LDLRAD4: variants seen among roughly 807,000 people sequenced by gnomAD.
LDLRAD4 encodes the protein low-density lipoprotein receptor class A domain-containing protein 4.
LDLRAD4 carries 5 observed loss-of-function variants against 17.0 expected under a neutral mutation model. That is an observed-to-expected ratio of 0.29 (90% CI 0.15 to 0.62). LDLRAD4 has a LOEUF of 0.62. Among genes scored for constraint, LDLRAD4 ranks in the 20% least tolerant of loss-of-function variants. The pLI is 0.84. For missense variants in LDLRAD4, 340 were observed against 424.7 expected, an observed-to-expected ratio of 0.80 and a Z score of 1.75; for synonymous variants, 168 against 171.8, an observed-to-expected ratio of 0.98 and a Z score of 0.17.
chr18:13,450,524 G>A (rs144578415), intron 3 of LDLRAD4, among the ~76,000 whole-genome samples: 1,543 of 152,336 alleles, frequency 0.01, 15 homozygotes, highest in Non-Finnish European at 0.016. Context: ...ATACTTCATG[G>A]AAGGTATTTT....
At chr18:13,265,476 G>T (rs2044164984) in intron 1 of LDLRAD4, among the ~76,000 whole-genome samples, 1 of 152,214 alleles carries the variant, frequency 6.6e-6, no homozygotes, top group African/African-American at 2.4e-5. Context: ...ACAAATGTCA[G>T]CTGCCCAGGT....
chr18:13,280,224 T>G (rs886582237), intron 1 of LDLRAD4: 1 of 152,252 alleles, frequency 6.6e-6, no homozygotes, highest in Non-Finnish European at 1.5e-5. Context: ...GGCGTTTGTG[T>G]GGGGAACTCA....
intron 4 of LDLRAD4, chr18:13,641,741 C>A (rs2042580350): frequency 1.0e-6 from 1 of 984,984 alleles, no homozygotes; most frequent in Non-Finnish European, 1.2e-6. Flanking sequence ...GGGAGCGGGG[C>A]GCTGGGTCAG....
At chr18:13,578,195 C>T (rs541218604) in intron 3 of LDLRAD4, among the ~76,000 whole-genome samples, 2 of 152,218 alleles carry the variant, frequency 1.3e-5, no homozygotes, top group East Asian at 1.9e-4. Flanking sequence ...GAAGCTCATC[C>T]GTGGGTCTCA....
intron 1 of LDLRAD4, among the ~76,000 whole-genome samples, chr18:13,318,904 G>A (rs1419516470): frequency 3.9e-5 from 6 of 152,162 alleles, no homozygotes; most frequent in Non-Finnish European, 8.8e-5. Context: ...ACCACGGACC[G>A]CAGTCCCCTT....
intron 3 of LDLRAD4, among the ~76,000 whole-genome samples, chr18:13,507,936 TGG>T (rs1249709344): frequency 3.3e-5 from 5 of 149,376 alleles, no homozygotes; most frequent in Admixed American, 6.6e-5. Flanking sequence ...GTTGAAAGCC[TGG>T]TAGTCTGAAA....
chr18:13,298,903 C>T (rs1281919059), intron 1 of LDLRAD4, among the ~76,000 whole-genome samples: 1 of 152,216 alleles, frequency 6.6e-6, no homozygotes, highest in South Asian at 2.1e-4. Flanking sequence ...GTGGGCTTGT[C>T]CAAAATTACT....
intron 3 of LDLRAD4, among the ~76,000 whole-genome samples, chr18:13,544,390 A>G (rs1212841787): frequency 6.6e-6 from 1 of 152,222 alleles, no homozygotes; most frequent in African/African-American, 2.4e-5. Flanking sequence ...GGGCAGGGAA[A>G]ATATTTGAAG....
At chr18:13,441,184 G>A (rs557612648) in intron 3 of LDLRAD4, among the ~76,000 whole-genome samples, 2 of 152,178 alleles carry the variant, frequency 1.3e-5, no homozygotes, top group South Asian at 2.1e-4. Flanking sequence ...TCTCTTCCCC[G>A]TATTCTGTTG....
intron 1 of LDLRAD4, among the ~76,000 whole-genome samples, chr18:13,287,352 G>A (rs2045687487): frequency 6.6e-6 from 1 of 152,130 alleles, no homozygotes; most frequent in Non-Finnish European, 1.5e-5. Context: ...TGTTTTTCAT[G>A]ATTTTTCAAA....
chr18:13,306,916 A>G (rs1022960954), intron 1 of LDLRAD4, among the ~76,000 whole-genome samples: 1 of 152,224 alleles, frequency 6.6e-6, no homozygotes, highest in Non-Finnish European at 1.5e-5. Context: ...CAGAGGAATT[A>G]ACACAGGACG....
chr18:13,263,038 G>C lies in LDLRAD4; in HGVS notation c.-466-15067G>C, dbSNP rs374853110. Among the ~76,000 whole-genome samples, 32 of 144,282 alleles carry C rather than the reference G, an allele frequency of 2.2e-4. No individual in the cohort carries two copies. The East Asian group carries it at 2.9e-3, about 13-fold the overall frequency. The allele number at this position is 144,282 out of a possible 152,430, so 94.7% of individuals were successfully genotyped here. ...CTGAGTCCCGTGCGGCTCTGTGTGC[G>C]TGGGGGCCGAGTCCCGTGCGGCTCT... On this transcript the variant is annotated intron_variant, in intron 1 of 5. Coordinates refer to the LDLRAD4 transcript ENST00000399848.
rs1472599417 is a variant in LDLRAD4, at chr18:13,645,551, G to A, written c.815G>A (p.Arg272His). The A allele has an allele frequency of 1.9e-6, 3 of 1,609,748 alleles. No individual in the cohort carries two copies. The highest frequency in any genetic ancestry group is 4.5e-5 in the East Asian group (2 of 44,880). The change falls in exon 6 of 6, where the codon CGC (arginine) becomes CAC (histidine). Residue 272 changes from arginine (R) to histidine (H), a missense_variant. Transcript: ENST00000359446. This position sits in a 1 kb window ranked among gnomAD's most constrained non-coding sequence, Gnocchi z 5.7. ...GGCGCCTCTTTCCTCCATCACCAGC[G>A]CAGCAACGCACACAGGGGCAGCAGA...
chr18:13,414,519 C>A lies in LDLRAD4; in HGVS notation c.41-23725C>A, dbSNP rs186904404. 5.3e-5 allele frequency among the ~76,000 whole-genome samples: 8 copies of A among 152,378 alleles called. No individual in the cohort carries two copies. The East Asian group carries it at 1.5e-3, about 29-fold the overall frequency. ...CAAAGAGGAGTCATGTTTCCATTTA[C>A]TAATTACACGATTAACTGGAGAATA... On this transcript the variant is annotated intron_variant, in intron 2 of 5. Coordinates refer to ENST00000359446, the Ensembl canonical transcript of LDLRAD4.
At chr18:13,495,850 T>C (rs924709353) in intron 3 of LDLRAD4, among the ~76,000 whole-genome samples, 7 of 152,184 alleles carry the variant, frequency 4.6e-5, no homozygotes, top group Non-Finnish European at 7.3e-5. Flanking sequence ...CACTGCGCAG[T>C]GTTCAGAGAG....
At chr18:13,264,387 G>C (rs2044096031) in intron 1 of LDLRAD4, among the ~76,000 whole-genome samples, 1 of 152,222 alleles carries the variant, frequency 6.6e-6, no homozygotes, top group Non-Finnish European at 1.5e-5. Flanking sequence ...TTAGACAGTT[G>C]CTTGGCCAAT....
chr18:13,604,446 C>A (rs144458979), intron 3 of LDLRAD4, among the ~76,000 whole-genome samples: 1 of 152,152 alleles, frequency 6.6e-6, no homozygotes, highest in African/African-American at 2.4e-5. Context: ...TGCAAGAATG[C>A]GTGACATTTG....
At position 13,381,324 on chromosome 18, in the gene LDLRAD4, TC is replaced by T. The variant is rs2085345533; in HGVS notation, c.-382-6014del. Reference sequence around the variant, plus strand: ...CTCAAGCAATCCTCCTGCCACAGCCTCCCAAAGCACTGGGGTTACAGGCGTG... The same window carrying T: ...CTCAAGCAATCCTCCTGCCACAGCCTCCAAAGCACTGGGGTTACAGGCGTG... On this transcript the variant is annotated intron_variant, in intron 1 of 5. Transcript: ENST00000359446. Among the ~76,000 whole-genome samples, 4 of 152,314 alleles carry T rather than the reference TC, an allele frequency of 2.6e-5. No homozygotes were observed. In the South Asian group the frequency reaches 8.3e-4, roughly 32 times the overall value.
chr18:13,535,211 G>T (rs6505824), intron 3 of LDLRAD4, among the ~76,000 whole-genome samples: 135,677 of 152,272 alleles, frequency 0.89, 60,642 homozygotes, highest in South Asian at 0.93. Context: ...TGACTGGCCG[G>T]GTTATATGTG....
Sources: gnomAD v4.1 joint callset for allele counts (sites outside exome capture counted in the v4.1 genomes callset) on GRCh38, gnomAD v4.1.1 for gene constraint, Gnocchi (gnomAD v3.1) non-coding constraint, MANE v1.5 for transcripts, NCBI Gene and HGNC (gene_info 2026-07-23, HGNC 2026-07-21) for gene names.